Variants in RSRP1 observed in about 807,000 individuals in gnomAD.
RSRP1 encodes arginine/serine-rich protein 1.
Under a neutral mutation model 33.0 loss-of-function variants are expected in RSRP1, and 37 were observed. The observed-to-expected ratio is 1.12, with a 90% confidence interval of 0.86 to 1.48. The LOEUF is 1.48. Ranked by LOEUF, RSRP1 falls within the 40% of genes most tolerant of loss-of-function variation. The pLI, the probability that RSRP1 is intolerant of heterozygous loss-of-function variation, is 0.00. For synonymous variants in RSRP1, 167 were observed against 158.7 expected (o/e 1.05, Z -0.40); for missense variants, 402 against 385.3 (o/e 1.04, Z -0.36).
chr1:25,247,128 G>A, intron 1 of RSRP1, 99 bp from the exon 2 acceptor site: 1 of 757,416 alleles, frequency 1.3e-6, no homozygotes, highest in Non-Finnish European at 2.0e-6. Context: ...CGGAGCCACG[G>A]CGCGGGCGGC....
At chr1:25,254,295 G>A (rs960154767) in intron 1 of RSRP1, among the ~76,000 whole-genome samples, 1 of 152,144 alleles carries the variant, frequency 6.6e-6, no homozygotes, top group Admixed American at 6.5e-5. Context: ...GTGCTATACA[G>A]GAGGCACCCT....
At chr1:25,255,699 C>A (rs1639925378) in intron 1 of RSRP1, among the ~76,000 whole-genome samples, 1 of 151,952 alleles carries the variant, frequency 6.6e-6, no homozygotes, top group African/African-American at 2.4e-5. Flanking sequence ...CAGTGGGAGC[C>A]CTGAGCTTGT....
At chr1:25,257,890 C>T (rs570721524) in intron 1 of RSRP1, among the ~76,000 whole-genome samples, 37 of 152,046 alleles carry the variant, frequency 2.4e-4, no homozygotes, top group Non-Finnish European at 4.3e-4. Flanking sequence ...GGATTACAGG[C>T]GTGAGCCACC....
At chr1:25,251,753 T>G (rs868137526), upstream of RSRP1, among the ~76,000 whole-genome samples, 1 of 152,188 alleles carries the variant, frequency 6.6e-6, no homozygotes, top group African/African-American at 2.4e-5. Context: ...AAGCTAACGA[T>G]CATTCCCTAG....
chr1:25,245,411 A>C, intron 2 of RSRP1, 110 bp from the exon 3 acceptor site: 1 of 1,364,274 alleles, frequency 7.3e-7, no homozygotes, highest in African/African-American at 1.5e-5. Flanking sequence ...TAAATATATT[A>C]AGTCACTTGT....
At chr1:25,261,496 C>A (rs1397678048) in intron 1 of RSRP1, among the ~76,000 whole-genome samples, 1 of 151,682 alleles carries the variant, frequency 6.6e-6, no homozygotes, top group East Asian at 1.9e-4. Context: ...TCTCCGCCTC[C>A]CAGGTTCACG....
At chr1:25,274,262 C>G (rs1335187970) in intron 1 of RSRP1, among the ~76,000 whole-genome samples, 1 of 132,026 alleles carries the variant, frequency 7.6e-6, no homozygotes, top group East Asian at 1.9e-4. Flanking sequence ...CCCACGGTCG[C>G]TCAGCTAGCA....
chr1:25,272,550 G>T, intron 1 of RSRP1: 2 of 1,579,194 alleles, frequency 1.3e-6, no homozygotes, highest in Non-Finnish European at 1.7e-6. Flanking sequence ...GACACAGGAT[G>T]AGCTCTAAGT....
In RSRP1 at chr1:25,311,026, G is replaced by A. The variant is rs1234203539; in HGVS notation, c.-67+26952C>T. Reference sequence around the variant, plus strand: ...ATGGAGCATTAAAGACAGTTCTGCAGTTCTGGTGAGGGCTTAAAGGAAGAC... The same window carrying A: ...ATGGAGCATTAAAGACAGTTCTGCAATTCTGGTGAGGGCTTAAAGGAAGAC... On this transcript the variant is annotated intron_variant, in intron 1 of 1. Transcript: ENST00000561867. Among the ~76,000 whole-genome samples, 8 of 130,442 alleles carry A rather than the reference G, an allele frequency of 6.1e-5. 2 individuals are homozygous for A. The highest frequency in any genetic ancestry group is 4.2e-3 in the Middle Eastern group (1 of 240). 85.6% of individuals were successfully genotyped at this position (130,442 alleles called of 152,430 possible).
chr1:25,246,356 G>A (rs1380421716), intron 2 of RSRP1, 88 bp downstream of exon 2: 1 of 1,531,428 alleles, frequency 6.5e-7, no homozygotes, highest in Non-Finnish European at 8.8e-7. Context: ...AACTAATATT[G>A]AAACTACACA....
chr1:25,299,551 C>A (rs1420628823), intron 1 of RSRP1, among the ~76,000 whole-genome samples: 1 of 129,910 alleles, frequency 7.7e-6, no homozygotes, highest in Non-Finnish European at 1.8e-5. Context: ...GCATTTCAGG[C>A]AGCTGAATGA....
At chr1:25,290,375 A>G (rs1160948426) in intron 1 of RSRP1, among the ~76,000 whole-genome samples, 2 of 108,210 alleles carry the variant, frequency 1.8e-5, no homozygotes, top group Admixed American at 8.9e-5. Flanking sequence ...TGCCTCATAG[A>G]TGAAGGCACT....
Position 25,242,491 on chromosome 1 carries a change from G to C in RSRP1, c.*98C>G. ...TTTGTGTTGGTTTTTAAATGCACAA[G>C]TACCCCTGAATGGCTCAAAGGGATG... On this transcript the variant is annotated 3_prime_UTR_variant, in exon 5 of 5. Coordinates refer to ENST00000243189, the MANE Select transcript of RSRP1 (RefSeq NM_020317.5). 1 of 692,890 alleles carries C rather than the reference G, an allele frequency of 1.4e-6. No homozygotes were observed. The highest frequency in any genetic ancestry group is 2.5e-5 in the East Asian group (1 of 39,568). 42.9% of individuals were successfully genotyped at this position (692,890 alleles called of 1,614,324 possible). A position where few individuals can be genotyped will look rare whatever the true frequency, so the allele number is the denominator to read the frequency against.
At chr1:25,320,043 C>G (rs1644613635) in intron 1 of RSRP1, among the ~76,000 whole-genome samples, 1 of 131,492 alleles carries the variant, frequency 7.6e-6, no homozygotes, top group African/African-American at 2.6e-5. Flanking sequence ...GGATTACAGG[C>G]ATGCACCACC....
In RSRP1 at chr1:25,242,561, T is replaced by C; in HGVS notation, c.*28A>G. Reference sequence around the variant, plus strand: ...AACTTGCAATAAAGTGCAGTTTTCATGCAAACTTAGCCATCAGTTTTCTTC... The same window carrying C: ...AACTTGCAATAAAGTGCAGTTTTCACGCAAACTTAGCCATCAGTTTTCTTC... On this transcript the variant is annotated 3_prime_UTR_variant, in exon 5 of 5. Coordinates refer to ENST00000243189, the MANE Select transcript of RSRP1 (RefSeq NM_020317.5). 1 of 1,408,318 alleles carries C rather than the reference T, an allele frequency of 7.1e-7. No individual in the cohort carries two copies. Among genetic ancestry groups the C allele is most frequent in the Non-Finnish European group, 9.9e-7 (1 of 1,006,796 alleles). 87.2% of individuals were successfully genotyped at this position (1,408,318 alleles called of 1,614,324 possible). A position where few individuals can be genotyped will look rare whatever the true frequency, so the allele number is the denominator to read the frequency against.
chr1:25,246,373 T>C (rs573843445), intron 2 of RSRP1, 71 bp downstream of exon 2: 30 of 1,556,834 alleles, frequency 1.9e-5, no homozygotes, highest in African/African-American at 1.9e-4. Flanking sequence ...CACAGCAACG[T>C]TGGTTCCCTA....
rs372056548 is a variant in RSRP1, at chr1:25,243,545, C to G, written c.756+5G>C. ...TTTGAGTGTTCAATGCCTGGATATA[C>G]TTACATTAGAGCTAAAAGCTATGCT... On this transcript the variant is annotated splice_donor_5th_base_variant and intron_variant, in intron 4 of 4. Coordinates refer to ENST00000243189, the MANE Select transcript of RSRP1 (RefSeq NM_020317.5). The G allele has an allele frequency of 3.1e-6, 5 of 1,613,182 alleles. No individual in the cohort carries two copies. Among genetic ancestry groups the G allele is most frequent in the Non-Finnish European group, 4.2e-6 (5 of 1,179,534 alleles).
At chr1:25,244,019 CA>C in intron 3 of RSRP1, 1 of 1,188,866 alleles carries the variant, frequency 8.4e-7, no homozygotes, top group Non-Finnish European at 1.1e-6. Context: ...TGAGCAAACC[CA>C]CATCTGGGCC....
In RSRP1 at chr1:25,242,668, G is replaced by C. The variant is rs1192200081; in HGVS notation, c.794C>G (p.Ala265Gly). ...VAKPIQKSAK[A>G]ATEEASSRSP... ...TCTTGAAGATGCCTCTTCTGTGGCA[G>C]CTTTAGCTGATTTTTGTATTGGCTT... Residue 265 changes from alanine (A) to glycine (G), a missense_variant, in exon 5 of 5, where the codon GCT becomes GGT. Coordinates refer to ENST00000243189, the MANE Select transcript of RSRP1 (RefSeq NM_020317.5). 6.2e-7 allele frequency: 1 copy of C among 1,610,884 alleles called. No individual in the cohort carries two copies. The highest frequency in any genetic ancestry group is 1.1e-5 in the South Asian group (1 of 91,032).
Sources: allele counts gnomAD v4.1 joint callset (sites outside exome capture counted in the v4.1 genomes callset), GRCh38; gene constraint gnomAD v4.1.1; transcripts MANE v1.5; gene names NCBI Gene and HGNC (gene_info 2026-07-23, HGNC 2026-07-21).